Variants in C2orf78 observed in about 807,000 individuals in gnomAD.
C2orf78 encodes chromosome 2 open reading frame 78.
C2orf78 carries 12 observed loss-of-function variants against 21.4 expected under a neutral mutation model. The ratio of observed to expected loss-of-function variants is 0.56; its 90% CI spans 0.36 to 0.91. The LOEUF is 0.91. C2orf78 is among the 40% of genes least tolerant of loss of function. C2orf78 has a pLI of 0.01. For missense variants in C2orf78, 1,042 were observed against 1,092.4 expected, an observed-to-expected ratio of 0.95 and a Z score of 0.65; for synonymous variants, 396 against 413.9, an observed-to-expected ratio of 0.96 and a Z score of 0.52.
intron 1 of C2orf78, among the ~76,000 whole-genome samples, chr2:73,812,257 C>A (rs1165162923): frequency 1.3e-5 from 2 of 152,092 alleles, no homozygotes; most frequent in South Asian, 2.1e-4. Context: ...TTAGTTAGTA[C>A]TTTACTATGT....
rs577261896 is a variant in C2orf78, at chr2:73,786,216, C to T, written c.97+1810C>T. On this transcript the variant is annotated intron_variant, in intron 1 of 2. Transcript: ENST00000409561. ...GCAACATGGTGAAACCCCATTTCTCCTGAAAATATAAGAATTAGCTGGGTG... is the reference window on the plus strand; with the variant it reads ...GCAACATGGTGAAACCCCATTTCTCTTGAAAATATAAGAATTAGCTGGGTG... Among the ~76,000 whole-genome samples, 88 of 151,802 alleles carry T rather than the reference C, an allele frequency of 5.8e-4. 1 individual carries two copies. In the South Asian group the frequency reaches 0.017, roughly 29 times the overall value.
chr2:73,784,653 G>C (rs1014706792), intron 1 of C2orf78, among the ~76,000 whole-genome samples: 9 of 151,168 alleles, frequency 6.0e-5, no homozygotes, highest in Non-Finnish European at 1.3e-4. Flanking sequence ...TATTCCCCCT[G>C]GCCCTTTTCT....
chr2:73,816,938 C>A, exon 3 of C2orf78: 1 of 1,611,770 alleles, frequency 6.2e-7, no homozygotes, highest in Non-Finnish European at 8.5e-7. Context: ...TGCAGTTTTT[C>A]ATTGAAAGGG....
chr2:73,813,986 C>A, exon 2 of C2orf78: 1 of 1,614,064 alleles, frequency 6.2e-7, no homozygotes, highest in Non-Finnish European at 8.5e-7. Context: ...TAACCTGTCA[C>A]TTCCCTGCCA....
chr2:73,810,685 CATAT>C (rs1472627939), intron 1 of C2orf78, among the ~76,000 whole-genome samples: 1 of 123,298 alleles, frequency 8.1e-6, no homozygotes, highest in Non-Finnish European at 1.6e-5. Context: ...ATAAAATATA[CATAT>C]ATATTTTATA....
At chr2:73,810,128 G>T (rs1027429407) in intron 1 of C2orf78, among the ~76,000 whole-genome samples, 2 of 152,160 alleles carry the variant, frequency 1.3e-5, no homozygotes, top group Non-Finnish European at 2.9e-5. Flanking sequence ...CTAGAATAGA[G>T]TATCCCTAGA....
chr2:73,808,540 G>T (rs1487437357), intron 1 of C2orf78, among the ~76,000 whole-genome samples: 1 of 150,020 alleles, frequency 6.7e-6, no homozygotes, highest in Admixed American at 6.6e-5. Flanking sequence ...CTGTCTTGCA[G>T]ATTTCACCTC....
At chr2:73,786,250 T>C (rs1348480288) in intron 1 of C2orf78, among the ~76,000 whole-genome samples, 6 of 151,406 alleles carry the variant, frequency 4.0e-5, no homozygotes, top group Admixed American at 3.3e-4. Context: ...TGTGGTGGCG[T>C]GCACCTGTAA....
chr2:73,807,768 CA>C (rs1672984550), intron 1 of C2orf78, among the ~76,000 whole-genome samples: 1 of 135,592 alleles, frequency 7.4e-6, no homozygotes, highest in African/African-American at 3.0e-5. Context: ...TGCCTAAAAT[CA>C]AGGGGTTAAA....
chr2:73,784,220 T>C, exon 1 of C2orf78: 3 of 1,512,174 alleles, frequency 2.0e-6, no homozygotes, highest in South Asian at 1.2e-5. Context: ...GGTAGCATCT[T>C]GGGGTTTCCT....
At chr2:73,812,479 CAG>C (rs1673109320) in intron 1 of C2orf78, among the ~76,000 whole-genome samples, 1 of 152,142 alleles carries the variant, frequency 6.6e-6, no homozygotes, top group South Asian at 2.1e-4. Flanking sequence ...CTGAAGCTCA[CAG>C]AGTTTAACTA....
chr2:73,816,697 G>A (rs369824472), exon 3 of C2orf78: 36 of 1,613,886 alleles, frequency 2.2e-5, no homozygotes, highest in East Asian at 6.7e-5. Context: ...TCTCTGCAGC[G>A]GGAGCCTGTT....
chr2:73,815,963 C>T (rs1673186015), exon 3 of C2orf78: 11 of 1,613,866 alleles, frequency 6.8e-6, no homozygotes, highest in Non-Finnish European at 9.3e-6. Flanking sequence ...GAAAGAACAG[C>T]TCCAAGAAAT....
intron 1 of C2orf78, among the ~76,000 whole-genome samples, chr2:73,812,338 TTTAA>T (rs1250213887): frequency 2.0e-5 from 3 of 152,216 alleles, no homozygotes; most frequent in African/African-American, 4.8e-5. Context: ...ATTTTATGTT[TTTAA>T]TTATTTTGTC....
exon 3 of C2orf78, chr2:73,815,504 C>T: frequency 1.2e-6 from 2 of 1,613,862 alleles, no homozygotes; most frequent in Non-Finnish European, 1.7e-6. Flanking sequence ...GTCTTGAGGA[C>T]CAAGGGATAT....
exon 3 of C2orf78, chr2:73,816,717 G>A (rs1673209786): frequency 1.2e-5 from 20 of 1,613,968 alleles, no homozygotes; most frequent in Non-Finnish European, 1.6e-5. Flanking sequence ...TTCCACTGCT[G>A]TGACCAGTCT....
At chr2:73,813,642 C>A in exon 2 of C2orf78, 1 of 1,614,034 alleles carries the variant, frequency 6.2e-7, no homozygotes, top group Non-Finnish European at 8.5e-7. Flanking sequence ...TCTGGCACCT[C>A]CTTCCAGCCA....
exon 3 of C2orf78, chr2:73,816,810 C>A (rs1349771439): frequency 6.2e-7 from 1 of 1,613,922 alleles, no homozygotes; most frequent in Non-Finnish European, 8.5e-7. Flanking sequence ...ACCCACTGTT[C>A]CTGAGCCAGT....
At chr2:73,807,991 C>A (rs1309408854) in intron 1 of C2orf78, among the ~76,000 whole-genome samples, 1 of 151,158 alleles carries the variant, frequency 6.6e-6, no homozygotes, top group African/African-American at 2.5e-5. Flanking sequence ...TGCGGTGGCT[C>A]CCGCCTGTAA....
Sources: gnomAD v4.1 joint callset for allele counts (sites outside exome capture counted in the v4.1 genomes callset) on GRCh38, gnomAD v4.1.1 for gene constraint, MANE v1.5 for transcripts, NCBI Gene and HGNC (gene_info 2026-07-23, HGNC 2026-07-21) for gene names.